ZNF592: variants seen among roughly 807,000 people sequenced by gnomAD.
ZNF592 encodes the protein spinocerebellar ataxia, autosomal recessive 5.
In ZNF592, 11 loss-of-function variants were observed where a neutral mutation model predicts 80.3. The observed-to-expected ratio is 0.14, with a 90% CI of 0.09 to 0.23. The LOEUF is 0.23. Ranked by LOEUF, ZNF592 falls within the 10% of genes least tolerant of loss-of-function variation. The pLI, the probability that ZNF592 is intolerant of heterozygous loss-of-function variation, is 1.00. For synonymous variants in ZNF592, 646 were observed against 640.3 expected (o/e 1.01, Z -0.13); for missense variants, 1,420 against 1,633.9 (o/e 0.87, Z 2.26).
At chr15:84,773,712 T>G (rs2059561263) in intron 2 of ZNF592, among the ~76,000 whole-genome samples, 1 of 151,880 alleles carries the variant, frequency 6.6e-6, no homozygotes, top group African/African-American at 2.4e-5. Context: ...AGTTATACTT[T>G]CCCCTTTCTC....
At chr15:84,796,400 A>G (rs1475645220) in intron 5 of ZNF592, among the ~76,000 whole-genome samples, 2 of 150,950 alleles carry the variant, frequency 1.3e-5, no homozygotes, top group Non-Finnish European at 2.9e-5. Flanking sequence ...GGGGATGTCA[A>G]TAATATGAGG....
intron 2 of ZNF592, among the ~76,000 whole-genome samples, chr15:84,769,179 G>A (rs555999971): frequency 6.6e-6 from 1 of 152,136 alleles, no homozygotes; most frequent in Admixed American, 6.5e-5. Context: ...GACCTCAGGT[G>A]ATCAGCCCAC....
At position 84,782,901 on chromosome 15, in the gene ZNF592, C is replaced by A. The variant is rs774894046; in HGVS notation, c.226C>A (p.Gln76Lys). 2.5e-6 allele frequency: 4 copies of A among 1,614,182 alleles called. No homozygotes were observed. Among genetic ancestry groups the A allele is most frequent in the Admixed American group, 3.3e-5 (2 of 60,028 alleles). ...VSVIVKNTSR[Q>K]ESFEAEKDHI... is the part of the protein sequence containing the mutation. Reference sequence around the variant, plus strand: ...TGTCATTGTCAAGAACACCAGCCGCCAGGAGTCATTTGAAGCGGAGAAAGA... The same window carrying A: ...TGTCATTGTCAAGAACACCAGCCGCAAGGAGTCATTTGAAGCGGAGAAAGA... Residue 76 changes from glutamine to lysine, a missense_variant, in exon 4 of 11, where the codon CAG (glutamine) becomes AAG (lysine). Around this residue, in one of 7 missense-constraint regions of ZNF592, gnomAD observed 373 missense variants for 355.5 expected, o/e 1.05. Coordinates refer to ENST00000560079, the MANE Select transcript of ZNF592 (RefSeq NM_014630.3).
intron 2 of ZNF592, among the ~76,000 whole-genome samples, chr15:84,772,102 C>T (rs1714834673): frequency 6.6e-6 from 1 of 152,184 alleles, no homozygotes. Context: ...GTCACAATTC[C>T]TTATTCTTTT....
chr15:84,791,410 ACT>A (rs1962745742), intron 5 of ZNF592, among the ~76,000 whole-genome samples: 2 of 152,284 alleles, frequency 1.3e-5, no homozygotes, highest in South Asian at 4.1e-4. Context: ...AACCAAGAAA[ACT>A]CTTATTTTCA....
At chr15:84,795,631 A>G (rs1807714110) in intron 5 of ZNF592, among the ~76,000 whole-genome samples, 1 of 152,240 alleles carries the variant, frequency 6.6e-6, no homozygotes, top group South Asian at 2.1e-4. Context: ...TGAATGTGGA[A>G]TTATGTGCTT....
At chr15:84,797,068 A>G (rs770511474) in intron 5 of ZNF592, among the ~76,000 whole-genome samples, 1 of 152,122 alleles carries the variant, frequency 6.6e-6, no homozygotes, top group South Asian at 2.1e-4. Context: ...GGTTCAAGCA[A>G]TTCTGCCTCA....
intron 1 of ZNF592, among the ~76,000 whole-genome samples, chr15:84,763,818 T>C (rs758052770): frequency 1.3e-5 from 2 of 152,170 alleles, no homozygotes; most frequent in African/African-American, 4.8e-5. Context: ...GTCCTTTTAT[T>C]AGGTAACTTG....
chr15:84,749,299 G>A (rs1033729601), intron 1 of ZNF592, among the ~76,000 whole-genome samples: 2 of 152,198 alleles, frequency 1.3e-5, no homozygotes, highest in African/African-American at 4.8e-5. Flanking sequence ...TGCCAACGAG[G>A]GGGTTGGCGG....
rs1235414883 is a variant in ZNF592 at position 84,802,097 on chromosome 15, C to T, written c.3508C>T (p.Arg1170Cys). 5 of 1,612,788 alleles carry T rather than the reference C, an allele frequency of 3.1e-6. No homozygotes were observed. The highest frequency in any genetic ancestry group is 2.2e-5 in the South Asian group (2 of 90,978). The change falls in exon 11 of 11, where the codon CGC becomes TGC. Residue 1170 changes from arginine (R) to cysteine (C), a missense_variant. This residue lies in a region of ZNF592 where 145 missense variants were observed against 211.9 expected (regional missense o/e 0.68). Transcript: ENST00000560079. ...LCYTSASSLS[R>C]HLFIVHKVRD... ...CTACACCTCTGCCAGCTCCCTCAGC[C>T]GCCACCTCTTCATTGTCCACAAGGT...
chr15:84,765,915 C>A (rs1404623772), intron 2 of ZNF592, among the ~76,000 whole-genome samples: 1 of 151,726 alleles, frequency 6.6e-6, no homozygotes, highest in African/African-American at 2.4e-5. Flanking sequence ...GGGTGGGTCC[C>A]TATTGTGTTG....
At chr15:84,780,279 G>T (rs1172910430) in intron 3 of ZNF592, among the ~76,000 whole-genome samples, 1 of 152,142 alleles carries the variant, frequency 6.6e-6, no homozygotes, top group African/African-American at 2.4e-5. Context: ...GAGCCACTGC[G>T]CTTGGCCTTT....
intron 3 of ZNF592, among the ~76,000 whole-genome samples, chr15:84,780,239 A>G (rs55953445): frequency 0.36 from 55,303 of 151,926 alleles, 10,912 homozygotes; most frequent in East Asian, 0.7. Flanking sequence ...CACCTACCTC[A>G]GCCTCCCAAA....
chr15:84,750,391 A>G (rs1165255523), intron 1 of ZNF592, among the ~76,000 whole-genome samples: 1 of 152,236 alleles, frequency 6.6e-6, no homozygotes, highest in Non-Finnish European at 1.5e-5. Context: ...GCAGTGAACA[A>G]AGAAAGCAAA....
chr15:84,797,407 G>A (rs562575013), intron 5 of ZNF592, among the ~76,000 whole-genome samples: 21 of 152,230 alleles, frequency 1.4e-4, no homozygotes, highest in African/African-American at 4.6e-4. Flanking sequence ...TTGTTAAGTG[G>A]TCATCCCTAC....
Position 84,783,767 on chromosome 15 carries a change from G to C in ZNF592, c.1092G>C (p.Val364=), listed in dbSNP as rs1431444868. Residue 364 remains valine, a synonymous_variant, in exon 4 of 11, where the codon GTG becomes GTC. Transcript: ENST00000560079. This position sits in a 1 kb window ranked among gnomAD's most constrained non-coding sequence, Gnocchi z 5.0. Reference sequence around the variant, plus strand: ...GCAGCAGCAAAGGCTCACCGTCTGTGGCTGCCAGCTCCCCACCAGCAATTC... The same window carrying C: ...GCAGCAGCAAAGGCTCACCGTCTGTCGCTGCCAGCTCCCCACCAGCAATTC... The part of the protein sequence containing the change: ...SDSSSKGSPS[V]AASSPPAIPK... The C allele has an allele frequency of 6.2e-7, 1 of 1,614,202 alleles. No individual in the cohort carries two copies. Among genetic ancestry groups the C allele is most frequent in the East Asian group, 2.2e-5 (1 of 44,880 alleles).
rs56945633 is a variant in ZNF592 at position 84,794,570 on chromosome 15, G to A, written c.2400-3299G>A. Among the ~76,000 whole-genome samples the A allele has an allele frequency of 9.3e-3, 1,408 of 151,926 alleles. 23 individuals are homozygous for A. The highest frequency in any genetic ancestry group is 0.033 in the African/African-American group (1,350 of 41,374). The stretch of plus-strand genomic sequence containing the variant: ...AGCTCACTGCAACCTCCGCCACCCC[G>A]GGTTCAAGCACTTCTCCCACCTCAG... On this transcript the variant is annotated intron_variant, in intron 5 of 10. Transcript: ENST00000560079.
In ZNF592 at chr15:84,798,546, C is replaced by T; in HGVS notation, c.2737-42C>T. Reference sequence around the variant, plus strand: ...AGGCTGGGGGTCTGACTCTGTGCATCTTTCCCCTTGCCCAGTCAGTAATCG... The same window carrying T: ...AGGCTGGGGGTCTGACTCTGTGCATTTTTCCCCTTGCCCAGTCAGTAATCG... On this transcript the variant is annotated intron_variant, in intron 7 of 10. Transcript: ENST00000560079. The surrounding 1 kb of genome is among the most constrained non-coding windows in gnomAD (Gnocchi z 4.5). 3 of 1,613,990 alleles carry T rather than the reference C, an allele frequency of 1.9e-6. 1 individual carries two copies. The highest frequency in any genetic ancestry group is 3.3e-4 in the Middle Eastern group (2 of 6,062).
chr15:84,782,870 C>T lies in ZNF592; in HGVS notation c.195C>T (p.Ala65=), dbSNP rs548965372. The change falls in exon 4 of 11, where the codon GCC becomes GCT. Residue 65 remains alanine (A), a synonymous_variant. Transcript: ENST00000560079. ...CAGGATCAGCCCCCGATGTGCCGGC[C>T]GTGAGTGTCATTGTCAAGAACACCA... ...SHSGSAPDVP[A]VSVIVKNTSR... is the part of the protein sequence containing the mutation. The T allele has an allele frequency of 5.6e-6, 9 of 1,614,074 alleles. No homozygotes were observed. The highest frequency in any genetic ancestry group is 4.5e-5 in the East Asian group (2 of 44,880).
Sources: allele counts gnomAD v4.1 joint callset (sites outside exome capture counted in the v4.1 genomes callset), GRCh38; gene constraint gnomAD v4.1.1; regional missense constraint gnomAD v4.1.1; non-coding constraint Gnocchi (gnomAD v3.1); transcripts MANE v1.5; gene names NCBI Gene and HGNC (gene_info 2026-07-23, HGNC 2026-07-21).